The following KCTD15 variants were observed in gnomAD, a reference collection of about 807,000 sequenced individuals.
The protein encoded by KCTD15 is potassium channel tetramerization domain containing 15.
In KCTD15, 11 loss-of-function variants were observed where a neutral mutation model predicts 27.2. That is an observed-to-expected ratio of 0.41 (90% CI 0.25 to 0.67). The LOEUF is 0.67. Ranked by LOEUF, KCTD15 falls within the 30% of genes least tolerant of loss-of-function variation. The pLI is 0.35. For synonymous variants in KCTD15, 163 were observed against 176.0 expected, an observed-to-expected ratio of 0.93 and a Z score of 0.58; for missense variants, 350 against 409.3, an observed-to-expected ratio of 0.86 and a Z score of 1.25.
Position 33,813,591 on chromosome 19 carries a change from TG to T in KCTD15, c.*644del. Reference sequence around the variant, plus strand: ...AGGAGAGTGGTGGGGGCCTGAGGGCTGAGTGATTCTGTAACCACCTGAGACC... The same window carrying T: ...AGGAGAGTGGTGGGGGCCTGAGGGCTAGTGATTCTGTAACCACCTGAGACC... On this transcript the variant is annotated 3_prime_UTR_variant, in exon 7 of 7. Coordinates refer to ENST00000683859, the MANE Select transcript of KCTD15 (RefSeq NM_001129994.2). 5.8e-6 allele frequency: 2 copies of T among 347,554 alleles called. No individual in the cohort carries two copies. Among genetic ancestry groups the T allele is most frequent in the South Asian group, 4.3e-5 (2 of 46,876 alleles). 21.5% of individuals were successfully genotyped at this position (347,554 alleles called of 1,614,324 possible).
chr19:33,797,628 C>T (rs935091802), intron 1 of KCTD15, among the ~76,000 whole-genome samples: 1 of 152,082 alleles, frequency 6.6e-6, no homozygotes, highest in Non-Finnish European at 1.5e-5. Flanking sequence ...ACCCCCTGAC[C>T]TGGACGCGCG....
At chr19:33,800,040 G>A (rs1476022299) in intron 2 of KCTD15, among the ~76,000 whole-genome samples, 2 of 152,224 alleles carry the variant, frequency 1.3e-5, no homozygotes, top group Non-Finnish European at 2.9e-5. Flanking sequence ...TGTTGCAAGA[G>A]GAGACACGCT....
chr19:33,802,862 G>A (rs115863149), intron 4 of KCTD15, among the ~76,000 whole-genome samples: 1 of 152,238 alleles, frequency 6.6e-6, no homozygotes, highest in Non-Finnish European at 1.5e-5. Flanking sequence ...AGAGTTGCCT[G>A]TCTGGAGTAA....
chr19:33,813,450 GT>G lies in KCTD15; in HGVS notation c.*503del, dbSNP rs1183123475. 2.2e-6 allele frequency: 1 copy of G among 454,784 alleles called. No homozygotes were observed. The highest frequency in any genetic ancestry group is 4.4e-6 in the Non-Finnish European group (1 of 226,120). 28.2% of individuals were successfully genotyped at this position (454,784 alleles called of 1,614,324 possible). On this transcript the variant is annotated 3_prime_UTR_variant, in exon 7 of 7. Transcript: ENST00000683859. ...TTCTTTATCTGGTGCTCAGTTCTCA[GT>G]CAGACGTGCAGCATGGCTGCAGGGT...
chr19:33,794,701 A>T (rs527991632), upstream of KCTD15, among the ~76,000 whole-genome samples: 27 of 152,334 alleles, frequency 1.8e-4, no homozygotes, highest in African/African-American at 6.5e-4. Context: ...TCCGATTGTG[A>T]TTCTAGCCAG....
chr19:33,800,339 G>C, intron 2 of KCTD15, 89 bp from the exon 3 acceptor site: 1 of 1,073,130 alleles, frequency 9.3e-7, no homozygotes, highest in Non-Finnish European at 1.4e-6. Flanking sequence ...CAGAGAGCAT[G>C]CAGAAAGGAC....
At chr19:33,811,580 GCCGCACCCCCGGCGT>G in intron 6 of KCTD15, 28 bp downstream of exon 6, 1 of 1,576,906 alleles carries the variant, frequency 6.3e-7, no homozygotes, top group Middle Eastern at 1.7e-4. Context: ...CCCCCTCCCC[GCCGCACCCCCGGCGT>G]CCGCGGAGCC....
At chr19:33,805,787 A>T (rs1026722785) in intron 4 of KCTD15, among the ~76,000 whole-genome samples, 1 of 152,124 alleles carries the variant, frequency 6.6e-6, no homozygotes, top group Non-Finnish European at 1.5e-5. Context: ...AGTTATCCCT[A>T]GCTCGACCTG....
intron 1 of KCTD15, chr19:33,797,484 CCA>C: frequency 2.4e-6 from 1 of 420,212 alleles, no homozygotes; most frequent in East Asian, 7.8e-5. Flanking sequence ...GACGCCCACC[CCA>C]CGAGTCCGAA....
At chr19:33,806,479 G>A (rs1296131269) in intron 4 of KCTD15, among the ~76,000 whole-genome samples, 1 of 152,140 alleles carries the variant, frequency 6.6e-6, no homozygotes, top group Non-Finnish European at 1.5e-5. Flanking sequence ...GCATTTTCTG[G>A]GTGGGTCTAT....
chr19:33,794,094 C>T (rs773236720), upstream of KCTD15, among the ~76,000 whole-genome samples: 2 of 152,118 alleles, frequency 1.3e-5, no homozygotes, highest in Middle Eastern at 3.2e-3. Flanking sequence ...TAAAAAAACA[C>T]GTAGGAATTT....
intron 4 of KCTD15, among the ~76,000 whole-genome samples, chr19:33,805,989 A>G (rs1026750973): frequency 4.6e-5 from 7 of 152,194 alleles, no homozygotes; most frequent in Non-Finnish European, 7.3e-5. Flanking sequence ...GGGTACCGGC[A>G]CCTGCCTTCT....
At chr19:33,806,104 G>C (rs185575145) in intron 4 of KCTD15, among the ~76,000 whole-genome samples, 32 of 152,358 alleles carry the variant, frequency 2.1e-4, no homozygotes, top group Middle Eastern at 6.8e-3. Flanking sequence ...TTCTGTGTGC[G>C]TGTGTGTATG....
rs1169586669 is a variant in KCTD15, at chr19:33,805,434, T to C, written c.243-1429T>C. Among the ~76,000 whole-genome samples, 3 of 152,152 alleles carry C rather than the reference T, an allele frequency of 2.0e-5. No homozygotes were observed. In the East Asian group the frequency reaches 5.8e-4, roughly 29 times the overall value. The stretch of plus-strand genomic sequence containing the variant: ...AGTGTGTCCTGGGTGCAAGTGGCAG[T>C]GGGGCAGGGCCCTGGAGACGGCTGA... On this transcript the variant is annotated intron_variant, in intron 4 of 6. Coordinates refer to ENST00000683859, the MANE Select transcript of KCTD15 (RefSeq NM_001129994.2).
intron 4 of KCTD15, among the ~76,000 whole-genome samples, chr19:33,806,209 C>T (rs1975707183): frequency 6.6e-6 from 1 of 152,208 alleles, no homozygotes; most frequent in East Asian, 1.9e-4. Flanking sequence ...TCCCTGTGGG[C>T]TCCCTGAGTG....
chr19:33,803,723 G>T (rs1599676233), intron 4 of KCTD15, among the ~76,000 whole-genome samples: 1 of 151,996 alleles, frequency 6.6e-6, no homozygotes, highest in Admixed American at 6.6e-5. Context: ...GTTAGCTGCC[G>T]CCATCACAGC....
At chr19:33,795,639 CCGAGGAGGA>C (rs1486256511), upstream of KCTD15, among the ~76,000 whole-genome samples, 1 of 151,964 alleles carries the variant, frequency 6.6e-6, no homozygotes, top group Non-Finnish European at 1.5e-5. Flanking sequence ...GAAATGGTCG[CCGAGGAGGA>C]GGAGGAGGCA....
chr19:33,811,199 C>CCCCCAAA, intron 5 of KCTD15, 48 bp from the exon 6 acceptor site: 1 of 1,327,598 alleles, frequency 7.5e-7, no homozygotes, highest in African/African-American at 1.5e-5. Flanking sequence ...CTTCCCCCAC[C>CCCCCAAA]ACCCCTACTC....
upstream of KCTD15, among the ~76,000 whole-genome samples, chr19:33,794,523 G>C (rs1249088756): frequency 6.6e-6 from 1 of 152,242 alleles, no homozygotes; most frequent in Non-Finnish European, 1.5e-5. Context: ...AAAGAGGTGT[G>C]AGGGGCGCTG....
Sources: allele counts gnomAD v4.1 joint callset (sites outside exome capture counted in the v4.1 genomes callset), GRCh38; gene constraint gnomAD v4.1.1; transcripts MANE v1.5; gene names NCBI Gene and HGNC (gene_info 2026-07-23, HGNC 2026-07-21).